LARGE1: variants seen among roughly 807,000 people sequenced by gnomAD.
LARGE1 encodes the protein LARGE xylosyl- and glucuronyltransferase 1.
In LARGE1, 43 loss-of-function variants were observed where a neutral mutation model predicts 87.6. The ratio of observed to expected loss-of-function variants is 0.49; its 90% confidence interval spans 0.38 to 0.63. The LOEUF is 0.63. Among genes scored for constraint, LARGE1 ranks in the 30% least tolerant of loss-of-function variants. The pLI is 0.00. For synonymous variants in LARGE1, 434 were observed against 394.6 expected (o/e 1.10, Z -1.18); for missense variants, 802 against 1,000.2 (o/e 0.80, Z 2.67).
intron 6 of LARGE1, among the ~76,000 whole-genome samples, chr22:33,521,138 A>G (rs1356378094): frequency 6.6e-6 from 1 of 152,246 alleles, no homozygotes; most frequent in African/African-American, 2.4e-5. Context: ...AGGACAGTAA[A>G]AAGAGAACAC....
intron 12 of LARGE1, among the ~76,000 whole-genome samples, chr22:33,291,038 C>CA (rs538205175): frequency 0.062 from 8,309 of 134,462 alleles, 406 homozygotes; most frequent in African/African-American, 0.15. Flanking sequence ...GACTCCATCT[C>CA]AAAAAAAAAA....
chr22:33,630,230 A>AAAAC (rs933861014), intron 3 of LARGE1, among the ~76,000 whole-genome samples: 1 of 152,002 alleles, frequency 6.6e-6, no homozygotes, highest in Admixed American at 6.6e-5. Flanking sequence ...CGAAAACCAA[A>AAAAC]AAACAAACAA....
chr22:33,184,799 A>G (rs1484397014), intron 11 of LARGE1, among the ~76,000 whole-genome samples: 1 of 152,182 alleles, frequency 6.6e-6, no homozygotes, highest in Non-Finnish European at 1.5e-5. Context: ...GCAAATTAGC[A>G]TGTTTAAAAA....
At chr22:33,280,515 C>T (rs528984951) in intron 13 of LARGE1, among the ~76,000 whole-genome samples, 4 of 152,068 alleles carry the variant, frequency 2.6e-5, no homozygotes, top group African/African-American at 4.8e-5. Flanking sequence ...GGGGAGACGG[C>T]GCCATTGCAC....
intron 2 of LARGE1, among the ~76,000 whole-genome samples, chr22:33,728,631 G>A (rs974736450): frequency 6.6e-6 from 1 of 150,384 alleles, no homozygotes; most frequent in Non-Finnish European, 1.5e-5. Flanking sequence ...CCACCTGTGG[G>A]AAGTTGTCCC....
chr22:33,559,208 TC>T (rs920658959), intron 6 of LARGE1, among the ~76,000 whole-genome samples: 10 of 152,198 alleles, frequency 6.6e-5, no homozygotes, highest in African/African-American at 2.4e-4. Flanking sequence ...TGAGACGCAG[TC>T]TTGCTCTTGT....
intron 1 of LARGE1, among the ~76,000 whole-genome samples, chr22:33,909,879 C>G (rs919654111): frequency 6.6e-6 from 1 of 152,164 alleles, no homozygotes; most frequent in African/African-American, 2.4e-5. Flanking sequence ...TAACAGAAAC[C>G]CAAGCTGGCT....
At chr22:33,399,544 C>A (rs60650016) in intron 7 of LARGE1, among the ~76,000 whole-genome samples, 18,537 of 152,074 alleles carry the variant, frequency 0.12, 2,062 homozygotes, top group African/African-American at 0.3. Flanking sequence ...GACAGCGTGG[C>A]GATTCTTCAA....
intron 10 of LARGE1, among the ~76,000 whole-genome samples, chr22:33,326,574 G>A (rs1014443108): frequency 2.0e-5 from 3 of 152,188 alleles, no homozygotes; most frequent in African/African-American, 7.2e-5. Flanking sequence ...GGTGCAGGGA[G>A]TTTAAGCAGA....
At chr22:33,815,592 T>G (rs2086625615) in intron 1 of LARGE1, among the ~76,000 whole-genome samples, 1 of 152,190 alleles carries the variant, frequency 6.6e-6, no homozygotes, top group African/African-American at 2.4e-5. Context: ...AGAACCATTC[T>G]TAGTAATCTG....
chr22:33,290,311 G>A (rs1033300416), intron 12 of LARGE1, among the ~76,000 whole-genome samples: 7 of 152,192 alleles, frequency 4.6e-5, no homozygotes, highest in African/African-American at 1.7e-4. Flanking sequence ...GCACTGCCTA[G>A]TTCTGACAAC....
chr22:33,410,139 A>G (rs1320427897), intron 7 of LARGE1, among the ~76,000 whole-genome samples: 1 of 152,176 alleles, frequency 6.6e-6, no homozygotes, highest in East Asian at 1.9e-4. Context: ...AAGTGGTCTG[A>G]GATAAGCCCT....
chr22:33,252,987 A>G (rs1310983069), intron 11 of LARGE1, among the ~76,000 whole-genome samples: 1 of 152,158 alleles, frequency 6.6e-6, no homozygotes, highest in South Asian at 2.1e-4. Context: ...CTGAATTGGC[A>G]TTTTTAGTCT....
chr22:33,452,298 A>C (rs1424096819), intron 6 of LARGE1, among the ~76,000 whole-genome samples: 1 of 152,178 alleles, frequency 6.6e-6, no homozygotes, highest in Non-Finnish European at 1.5e-5. Flanking sequence ...GTGCAGGGTG[A>C]AGGACGGGTG....
intron 10 of LARGE1, among the ~76,000 whole-genome samples, chr22:33,336,452 A>G (rs8141257): frequency 0.061 from 9,316 of 151,964 alleles, 908 homozygotes; most frequent in African/African-American, 0.2. Flanking sequence ...CGCCTGCCTC[A>G]GCCTCCTAAA....
chr22:33,094,948 A>G, the LARGE1 span, among the ~76,000 whole-genome samples: 1 of 151,940 alleles, frequency 6.6e-6, no homozygotes, highest in Admixed American at 6.6e-5. Context: ...TGAACTCCCG[A>G]CCTCCAGTGA....
chr22:33,761,027 A>C (rs2084710751), intron 2 of LARGE1, among the ~76,000 whole-genome samples: 1 of 152,152 alleles, frequency 6.6e-6, no homozygotes, highest in South Asian at 2.1e-4. Flanking sequence ...ATGAATGAAA[A>C]GATGGACCAA....
rs966013559 is a variant in LARGE1, at chr22:33,486,552, C to T, written c.788-54287G>A. Among the ~76,000 whole-genome samples the T allele has an allele frequency of 5.3e-5, 8 of 151,832 alleles. No individual in the cohort carries two copies. The East Asian group carries it at 5.8e-4, about 11-fold the overall frequency. On this transcript the variant is annotated intron_variant, in intron 6 of 14. Transcript: ENST00000397394. Reference sequence around the variant, plus strand: ...AGACAGAGAGAGAGAGAGAGGAGAGCGCACACCAGGGAAAGACTGAGGAAA... The same window carrying T: ...AGACAGAGAGAGAGAGAGAGGAGAGTGCACACCAGGGAAAGACTGAGGAAA...
intron 4 of LARGE1, among the ~76,000 whole-genome samples, chr22:33,612,259 A>G (rs1338683380): frequency 6.6e-6 from 1 of 152,036 alleles, no homozygotes; most frequent in Non-Finnish European, 1.5e-5. Flanking sequence ...ACCCACCACC[A>G]TGCCCGGCTA....
Sources: gnomAD v4.1 joint callset for allele counts (sites outside exome capture counted in the v4.1 genomes callset) on GRCh38, gnomAD v4.1.1 for gene constraint, MANE v1.5 for transcripts, NCBI Gene and HGNC (gene_info 2026-07-23, HGNC 2026-07-21) for gene names.